The following MOSPD2 variants were observed in gnomAD, a reference collection of about 807,000 sequenced individuals.
MOSPD2 encodes motile sperm domain containing 2.
A neutral mutation model predicts 41.7 loss-of-function variants in MOSPD2; 5 were observed. The ratio of observed to expected loss-of-function variants is 0.12; its 90% CI spans 0.06 to 0.25. The LOEUF (loss-of-function observed/expected upper bound fraction) is 0.25, where lower values mean the gene tolerates loss of function less well. MOSPD2 is among the 10% of genes least tolerant of loss of function. The pLI is 1.00. For missense variants in MOSPD2, 282 were observed against 375.2 expected, an observed-to-expected ratio of 0.75 and a Z score of 2.05; for synonymous variants, 115 against 126.9, an observed-to-expected ratio of 0.91 and a Z score of 0.63.
intron 6 of MOSPD2, among the ~76,000 whole-genome samples, chrX:14,901,806 T>C: frequency 9.0e-6 from 1 of 110,773 alleles, no homozygotes; most frequent in Non-Finnish European, 1.9e-5. Context: ...CACTTGATCA[T>C]TGAAATATCT....
At chrX:14,889,242 T>G (rs1449117205) in intron 2 of MOSPD2, among the ~76,000 whole-genome samples, 1 of 111,450 alleles carries the variant, frequency 9.0e-6, no homozygotes, top group Non-Finnish European at 1.9e-5. Context: ...AACACCTGAA[T>G]TTAGGAGAGG....
Position 14,909,751 on chromosome X carries a change from A to G in MOSPD2, c.702+767A>G, listed in dbSNP as rs752870399. ...TGCCTGCCTGGCAAAATTGTATTCA[A>G]TCAGAACTAGCAAGAGGAATAGTTT... On this transcript the variant is annotated intron_variant, in intron 8 of 14. Coordinates refer to ENST00000380492, the MANE Select transcript of MOSPD2 (RefSeq NM_152581.4). 6.3e-5 allele frequency among the ~76,000 whole-genome samples: 7 copies of G among 111,395 alleles called. No individual in the cohort carries two copies. The East Asian group carries it at 1.4e-3, about 22-fold the overall frequency.
intron 2 of MOSPD2, chrX:14,874,523 A>G (rs745969731): frequency 8.9e-6 from 1 of 112,099 alleles, no homozygotes; most frequent in South Asian, 3.7e-4. Context: ...GCCCGTTTTC[A>G]TATCTGTGAA....
chrX:14,908,733 A>C, intron 7 of MOSPD2, 127 bp from the exon 8 acceptor site: 1 of 560,590 alleles, frequency 1.8e-6, no homozygotes, highest in Non-Finnish European at 2.6e-6. Context: ...TAAGTACATC[A>C]CGTAAAGATA....
At chrX:14,903,026 TAAAAC>T (rs1311061276) in intron 7 of MOSPD2, 22 bp downstream of exon 7, 5 of 1,002,540 alleles carry the variant, frequency 5.0e-6, no homozygotes, top group Admixed American at 2.3e-5. Context: ...TATACTTTCT[TAAAAC>T]AAAATGTCTA....
At position 14,888,394 on chromosome X, in the gene MOSPD2, C is replaced by T. The variant is rs192612566; in HGVS notation, c.80-4329C>T. On this transcript the variant is annotated intron_variant, in intron 2 of 14. Coordinates refer to ENST00000380492, the MANE Select transcript of MOSPD2 (RefSeq NM_152581.4). Reference sequence around the variant, plus strand: ...GAATTATGGGGGCAGGTCTTTCCTGCGCTGTTCTCATGATAGTGAATGAGT... The same window carrying T: ...GAATTATGGGGGCAGGTCTTTCCTGTGCTGTTCTCATGATAGTGAATGAGT... Among the ~76,000 whole-genome samples the T allele has an allele frequency of 3.0e-3, 326 of 110,367 alleles. 1 individual carries two copies. Among genetic ancestry groups the T allele is most frequent in the African/African-American group, 9.6e-3 (291 of 30,326 alleles).
intron 7 of MOSPD2, among the ~76,000 whole-genome samples, chrX:14,904,747 T>C (rs895134000): frequency 1.8e-5 from 2 of 112,038 alleles, no homozygotes; most frequent in African/African-American, 6.5e-5. Flanking sequence ...TGTGGCAATG[T>C]GCATGGAGTT....
At chrX:14,877,354 T>A (rs1247498274) in intron 2 of MOSPD2, among the ~76,000 whole-genome samples, 1 of 111,168 alleles carries the variant, frequency 9.0e-6, no homozygotes, top group Non-Finnish European at 1.9e-5. Context: ...TTTTTTCTTT[T>A]TTTTCGAGAC....
chrX:14,918,456 C>A (rs1348544566), intron 13 of MOSPD2, among the ~76,000 whole-genome samples: 1 of 111,453 alleles, frequency 9.0e-6, no homozygotes, highest in African/African-American at 3.3e-5. Context: ...TGAATTTTAC[C>A]GAATGGTATC....
At chrX:14,877,527 A>T (rs1365785734) in intron 2 of MOSPD2, among the ~76,000 whole-genome samples, 1 of 109,269 alleles carries the variant, frequency 9.2e-6, no homozygotes, top group East Asian at 2.9e-4. Context: ...TTTTTAATAG[A>T]GATGCGGTTT....
Position 14,920,422 on chromosome X carries a change from C to T in MOSPD2, c.*613C>T, listed in dbSNP as rs1030113836. ...ACCTTTGTTTCTCAGTGTTCCTTAA[C>T]AGCCTGCCTTTTATTAATCTCAGGC... On this transcript the variant is annotated 3_prime_UTR_variant, in exon 15 of 15. Coordinates refer to ENST00000380492, the MANE Select transcript of MOSPD2 (RefSeq NM_152581.4). 1.1e-5 allele frequency: 8 copies of T among 753,096 alleles called. No individual in the cohort carries two copies. The highest frequency in any genetic ancestry group is 1.3e-5 in the Non-Finnish European group (8 of 639,015). The allele number at this position is 753,096 out of a possible 1,213,427, so 62.1% of individuals were successfully genotyped here. A position where few individuals can be genotyped will look rare whatever the true frequency, so the allele number is the denominator to read the frequency against.
chrX:14,919,085 G>C (rs2092604984), intron 14 of MOSPD2, among the ~76,000 whole-genome samples: 1 of 111,198 alleles, frequency 9.0e-6, no homozygotes, highest in South Asian at 3.8e-4. Flanking sequence ...AGTTGTGGTG[G>C]CACACATCTA....
chrX:14,892,426 A>C (rs1197446113), intron 2 of MOSPD2, among the ~76,000 whole-genome samples: 1 of 111,400 alleles, frequency 9.0e-6, no homozygotes, highest in Non-Finnish European at 1.9e-5. Flanking sequence ...TGTCATGAGA[A>C]TGATACCAAA....
Position 14,873,487 on chromosome X carries a change from C to T in MOSPD2, c.-42C>T, listed in dbSNP as rs980905695. The T allele has an allele frequency of 2.5e-6, 3 of 1,210,962 alleles. No homozygotes were observed. The highest frequency in any genetic ancestry group is 1.8e-5 in the South Asian group (1 of 56,971). The stretch of plus-strand genomic sequence containing the variant: ...AGATACTCGGTCGGCGACGGTAGAA[C>T]GGGCGACGGCGACAACCGCAATCAC... On this transcript the variant is annotated 5_prime_UTR_variant, in exon 1 of 15. In the 5' UTR this introduces an upstream ATG that the reference lacks. Coordinates refer to ENST00000380492, the MANE Select transcript of MOSPD2 (RefSeq NM_152581.4).
chrX:14,895,969 ACTC>A (rs745481184), intron 4 of MOSPD2, among the ~76,000 whole-genome samples: 4 of 108,398 alleles, frequency 3.7e-5, no homozygotes, highest in Admixed American at 2.9e-4. Flanking sequence ...ACTCATCTTC[ACTC>A]CTCCATAGCA....
chrX:14,885,998 G>T lies in MOSPD2; in HGVS notation c.80-6725G>T, dbSNP rs149685962. On this transcript the variant is annotated intron_variant, in intron 2 of 14. Transcript: ENST00000380492. ...CAAAGATTTAGCATGTACTTACTGT[G>T]TATTGGGCAGAGTTGGAGGGAGCAG... Among the ~76,000 whole-genome samples the T allele has an allele frequency of 3.5e-4, 39 of 111,636 alleles. No homozygotes were observed. In the East Asian group the frequency reaches 8.2e-3, roughly 23 times the overall value.
chrX:14,896,735 C>T (rs1268490938), intron 4 of MOSPD2, among the ~76,000 whole-genome samples: 1 of 112,642 alleles, frequency 8.9e-6, no homozygotes, highest in South Asian at 3.6e-4. Context: ...TTCCTCTGGA[C>T]GGAACATTTT....
At chrX:14,883,254 A>G (rs1369661607) in intron 2 of MOSPD2, among the ~76,000 whole-genome samples, 1 of 111,492 alleles carries the variant, frequency 9.0e-6, no homozygotes, top group Non-Finnish European at 1.9e-5. Context: ...ATTTGTTTTT[A>G]GTCATTGTCA....
chrX:14,881,487 CTA>C (rs1452401682), intron 2 of MOSPD2, among the ~76,000 whole-genome samples: 16 of 111,822 alleles, frequency 1.4e-4, no homozygotes, highest in Non-Finnish European at 5.6e-5. Flanking sequence ...TAAAATGTAA[CTA>C]TACTACTGGA....
Sources: allele counts gnomAD v4.1 joint callset (sites outside exome capture counted in the v4.1 genomes callset), GRCh38; gene constraint gnomAD v4.1.1; transcripts MANE v1.5; gene names NCBI Gene and HGNC (gene_info 2026-07-23, HGNC 2026-07-21).